ATRN: variants seen among roughly 807,000 people sequenced by gnomAD.
ATRN encodes the protein attractin.
Under a neutral mutation model 178.7 loss-of-function variants are expected in ATRN, and 54 were observed. The ratio of observed to expected loss-of-function variants is 0.30; its 90% CI spans 0.24 to 0.38. The LOEUF (loss-of-function observed/expected upper bound fraction) is 0.38. ATRN is among the 10% of genes least tolerant of loss of function. The pLI, the probability that ATRN is intolerant of heterozygous loss-of-function variation, is 1.00. For missense variants in ATRN, 1,443 were observed against 1,815.1 expected (o/e 0.79, Z 3.73); for synonymous variants, 636 against 663.0 (o/e 0.96, Z 0.63).
chr20:3,590,365 T>A (rs1174063154), intron 18 of ATRN, among the ~76,000 whole-genome samples: 1 of 152,232 alleles, frequency 6.6e-6, no homozygotes, highest in Non-Finnish European at 1.5e-5. Context: ...CCAAGGCAGA[T>A]CTGAAGAATC....
At position 3,547,432 on chromosome 20, in the gene ATRN, C is replaced by G. The variant is rs1417308021; in HGVS notation, c.886C>G (p.Arg296Gly). ...TACAGACAACTGTGGTTTTCCTCAT[C>G]GAGGCATCTGCAATTCAAGTGATGT... is the stretch of plus-strand genomic sequence containing the variant. Reference protein sequence around the residue: ...HCTDNCGFPHRGICNSSDVRG... With the variant: ...HCTDNCGFPHGGICNSSDVRG... Residue 296 changes from arginine to glycine, a missense_variant, in exon 5 of 29, where the codon CGA becomes GGA. Around this residue, in one of 4 missense-constraint regions of ATRN, gnomAD observed 862 missense variants for 972.1 expected, o/e 0.89. Transcript: ENST00000262919. 1 of 1,614,118 alleles carries G rather than the reference C, an allele frequency of 6.2e-7. No homozygotes were observed. The highest frequency in any genetic ancestry group is 1.3e-5 in the African/African-American group (1 of 75,038).
rs146248490 is a variant in ATRN at position 3,611,195 on chromosome 20, C to T, written c.3801+6933C>T. Among the ~76,000 whole-genome samples the T allele has an allele frequency of 4.6e-3, 708 of 152,280 alleles. 7 individuals are homozygous for T. The highest frequency in any genetic ancestry group is 0.016 in the African/African-American group (663 of 41,554). On this transcript the variant is annotated intron_variant, in intron 24 of 28. Coordinates refer to ENST00000262919, the MANE Select transcript of ATRN (RefSeq NM_139321.3). ...AAGGAAAACTTGATAAACTGGACCA[C>T]ATAAAACCAAAAGTTTTTGCTCTGT...
At chr20:3,631,762 T>A (rs1337267380) in intron 25 of ATRN, among the ~76,000 whole-genome samples, 1 of 152,188 alleles carries the variant, frequency 6.6e-6, no homozygotes, top group Non-Finnish European at 1.5e-5. Flanking sequence ...AGCGGCAGGC[T>A]CTTGACCAAC....
intron 28 of ATRN, among the ~76,000 whole-genome samples, chr20:3,646,267 A>G (rs1643998966): frequency 1.3e-5 from 2 of 152,142 alleles, no homozygotes; most frequent in Admixed American, 1.3e-4. Context: ...GTGAATCTGA[A>G]TCTCGTCATA....
At chr20:3,484,219 A>G (rs942600686) in intron 1 of ATRN, among the ~76,000 whole-genome samples, 16 of 151,940 alleles carry the variant, frequency 1.1e-4, no homozygotes, top group African/African-American at 3.6e-4. Flanking sequence ...ACTGCATTCT[A>G]TCCTGGATGA....
chr20:3,489,573 T>C lies in ATRN; in HGVS notation c.410+18056T>C. ...TTCAGATCCTCATATGTCTTCTTAT[T>C]CACAACATTCCCACTTGAGTCTTCA... On this transcript the variant is annotated intron_variant, in intron 1 of 28. Transcript: ENST00000262919. The C allele has an allele frequency of 2.0e-6, 3 of 1,481,424 alleles. No homozygotes were observed. The African/African-American group carries it at 4.1e-5, about 20-fold the overall frequency. The allele number at this position is 1,481,424 out of a possible 1,614,324, so 91.8% of individuals were successfully genotyped here.
chr20:3,530,247 AATTATAT>A (rs1273766167), intron 1 of ATRN, among the ~76,000 whole-genome samples: 5 of 147,734 alleles, frequency 3.4e-5, no homozygotes, highest in African/African-American at 9.8e-5. Context: ...TATATTAAAA[AATTATAT>A]ATTATATATA....
chr20:3,584,927 A>G, intron 18 of ATRN, 47 bp downstream of exon 18: 2 of 1,558,156 alleles, frequency 1.3e-6, no homozygotes, highest in Non-Finnish European at 1.8e-6. Flanking sequence ...CTACTGATTT[A>G]TGAAGAATAA....
chr20:3,615,058 G>A (rs2086823639), intron 24 of ATRN, among the ~76,000 whole-genome samples: 1 of 152,104 alleles, frequency 6.6e-6, no homozygotes, highest in African/African-American at 2.4e-5. Context: ...ATTATGAATA[G>A]TGTCAGATAT....
At chr20:3,564,756 A>C (rs578139225) in intron 10 of ATRN, among the ~76,000 whole-genome samples, 55 of 152,248 alleles carry the variant, frequency 3.6e-4, no homozygotes, top group African/African-American at 1.2e-3. Flanking sequence ...GTAGAATGTA[A>C]AATTTGCTTG....
At chr20:3,530,188 A>G (rs954651285) in intron 1 of ATRN, among the ~76,000 whole-genome samples, 1 of 149,270 alleles carries the variant, frequency 6.7e-6, no homozygotes, top group African/African-American at 2.4e-5. Flanking sequence ...TAATCTGAGT[A>G]GTGTGGTAGA....
intron 11 of ATRN, among the ~76,000 whole-genome samples, chr20:3,566,904 CAAAAAAAAAAAA>C (rs33920660): frequency 1.2e-5 from 1 of 86,456 alleles, no homozygotes; most frequent in Admixed American, 1.6e-4. Context: ...GACTCCATCT[CAAAAAAAAAAAA>C]AAAAAAAAGG....
intron 6 of ATRN, among the ~76,000 whole-genome samples, chr20:3,550,689 A>T (rs752018110): frequency 6.6e-6 from 1 of 152,166 alleles, no homozygotes; most frequent in Non-Finnish European, 1.5e-5. Flanking sequence ...CATGTTTTTC[A>T]TCAGAAGAGC....
At chr20:3,549,023 A>G (rs563390966) in intron 5 of ATRN, 147 bp from the exon 6 acceptor site, 16 of 692,828 alleles carry the variant, frequency 2.3e-5, no homozygotes, top group African/African-American at 1.5e-4. Flanking sequence ...ATAAATTAAA[A>G]TAACAAATTA....
At chr20:3,512,355 G>A (rs557985637) in intron 1 of ATRN, among the ~76,000 whole-genome samples, 2 of 149,342 alleles carry the variant, frequency 1.3e-5, no homozygotes, top group South Asian at 4.2e-4. Flanking sequence ...AGAACATGCT[G>A]TGTTTGGTTT....
chr20:3,643,318 C>T (rs1600175493), intron 27 of ATRN, among the ~76,000 whole-genome samples: 2 of 152,134 alleles, frequency 1.3e-5, no homozygotes, highest in African/African-American at 4.8e-5. Context: ...ACCTCTAAAG[C>T]TGTGAGATAA....
chr20:3,489,322 T>C (rs1217729990), intron 1 of ATRN, among the ~76,000 whole-genome samples: 1 of 152,224 alleles, frequency 6.6e-6, no homozygotes, highest in Non-Finnish European at 1.5e-5. Context: ...CTGGTTTTAT[T>C]TTCTGGCAGA....
rs188008148 is a variant in ATRN at position 3,549,939 on chromosome 20, G to T, written c.1112+601G>T. 2.5e-3 allele frequency among the ~76,000 whole-genome samples: 379 copies of T among 152,286 alleles called. 1 individual carries two copies. The highest frequency in any genetic ancestry group is 8.8e-3 in the African/African-American group (365 of 41,566). On this transcript the variant is annotated intron_variant, in intron 6 of 28. Coordinates refer to ENST00000262919, the MANE Select transcript of ATRN (RefSeq NM_139321.3). ...AAGGGATTCTGGAAATATGGCAGTG[G>T]TGGCCTAGTTTCTGCATCCCCCCAA... is the stretch of plus-strand genomic sequence containing the variant.
Position 3,634,367 on chromosome 20 carries a change from G to C in ATRN, c.3920G>C (p.Cys1307Ser). 6.2e-7 allele frequency: 1 copy of C among 1,612,896 alleles called. No individual in the cohort carries two copies. The highest frequency in any genetic ancestry group is 8.5e-7 in the Non-Finnish European group (1 of 1,179,062). The change falls in exon 26 of 29, where the codon TGT becomes TCT. Residue 1307 changes from cysteine (C) to serine (S), a missense_variant. This residue lies in a region of ATRN where 289 missense variants were observed against 440.8 expected (regional missense o/e 0.66). Transcript: ENST00000262919. ...AAVVWKIKQSCWASRRREQLL... is the reference protein window; with the variant it reads ...AAVVWKIKQSSWASRRREQLL... ...GTGGTTTGGAAGATCAAACAAAGTT[G>C]TTGGGCCTCCAGACGTAGAGAGGTA...
Sources: gnomAD v4.1 joint callset for allele counts (sites outside exome capture counted in the v4.1 genomes callset) on GRCh38, gnomAD v4.1.1 for gene constraint, gnomAD v4.1.1 regional missense constraint, MANE v1.5 for transcripts, NCBI Gene and HGNC (gene_info 2026-07-23, HGNC 2026-07-21) for gene names.